ADAMTSL1: variants seen among roughly 807,000 people sequenced by gnomAD.
ADAMTSL1 encodes the protein ADAMTS like 1, also known as ADAMTS-like protein 1.
In ADAMTSL1, 126 loss-of-function variants were observed where a neutral mutation model predicts 201.8. The observed-to-expected ratio is 0.62, with a 90% confidence interval of 0.54 to 0.72. ADAMTSL1 has a LOEUF of 0.72. ADAMTSL1 is among the 30% of genes least tolerant of loss of function. ADAMTSL1 has a pLI of 0.00. For synonymous variants in ADAMTSL1, 1,121 were observed against 903.4 expected (o/e 1.24, Z -4.32); for missense variants, 2,679 against 2,277.8 (o/e 1.18, Z -3.59).
intron 14 of ADAMTSL1, among the ~76,000 whole-genome samples, chr9:18,715,449 A>T (rs976242532): frequency 6.6e-6 from 1 of 152,120 alleles, no homozygotes; most frequent in Non-Finnish European, 1.5e-5. Flanking sequence ...ACAACAGACA[A>T]ACAGAGAGCC....
intron 23 of ADAMTSL1, among the ~76,000 whole-genome samples, chr9:18,843,927 T>A (rs1458355058): frequency 2.6e-5 from 4 of 152,136 alleles, no homozygotes; most frequent in Non-Finnish European, 5.9e-5. Flanking sequence ...ATTCTAGTTA[T>A]ACATTCGTGT....
At chr9:18,177,634 A>G (rs1168079481) in intron 2 of ADAMTSL1, among the ~76,000 whole-genome samples, 3 of 152,194 alleles carry the variant, frequency 2.0e-5, no homozygotes, top group Non-Finnish European at 4.4e-5. Flanking sequence ...ATGGCACCAG[A>G]GCTCCAGTCA....
In ADAMTSL1 at chr9:18,681,697, T is replaced by TGTGTGGCG. The variant is rs370940110; in HGVS notation, c.1342-114_1342-113insTGTGGCGG. On this transcript the variant is annotated intron_variant, in intron 11 of 28. Coordinates refer to ENST00000380548, the MANE Select transcript of ADAMTSL1 (RefSeq NM_001040272.6). ...TATAAATTTACCAGGAGTCCTCGTG[T>TGTGTGGCG]GGGGGGGGGGGGCGGGGAAAAAGAA... 4.0e-3 allele frequency: 953 copies of TGTGTGGCG among 240,280 alleles called. 23 individuals are homozygous for TGTGTGGCG. Among genetic ancestry groups the TGTGTGGCG allele is most frequent in the South Asian group, 0.012 (138 of 11,968 alleles). The allele number at this position is 240,280 out of a possible 1,614,324, so 14.9% of individuals were successfully genotyped here.
At chr9:18,639,109 T>C (rs1827282438) in intron 6 of ADAMTSL1, 145 bp from the exon 7 acceptor site, 3 of 712,434 alleles carry the variant, frequency 4.2e-6, no homozygotes, top group Non-Finnish European at 7.0e-6. Context: ...GTATAGTTTG[T>C]TGATATCACA....
rs149177858 is a variant in ADAMTSL1, at chr9:18,662,969, C to T, written c.1085+896C>T. On this transcript the variant is annotated intron_variant, in intron 9 of 28. Transcript: ENST00000380548. ...AAAGACAAAGATTCATTTTCAAACTCCTTGGATTTTTGAGAAACATCTCAA... is the reference window on the plus strand; with the variant it reads ...AAAGACAAAGATTCATTTTCAAACTTCTTGGATTTTTGAGAAACATCTCAA... 8.5e-3 allele frequency among the ~76,000 whole-genome samples: 1,292 copies of T among 152,244 alleles called. 10 individuals carry two copies. Among genetic ancestry groups the T allele is most frequent in the Middle Eastern group, 0.014 (4 of 294 alleles).
At chr9:18,150,974 G>A (rs559022348) in intron 1 of ADAMTSL1, among the ~76,000 whole-genome samples, 1 of 152,058 alleles carries the variant, frequency 6.6e-6, no homozygotes, top group Non-Finnish European at 1.5e-5. Flanking sequence ...AGTAGAAATG[G>A]GATCCCCAGT....
At chr9:17,990,621 T>C (rs1819116975) in intron 1 of ADAMTSL1, among the ~76,000 whole-genome samples, 1 of 152,128 alleles carries the variant, frequency 6.6e-6, no homozygotes, top group African/African-American at 2.4e-5. Context: ...TTCCTGGTTG[T>C]CACGTTTAAT....
chr9:18,553,471 G>T (rs1316587134), intron 3 of ADAMTSL1, among the ~76,000 whole-genome samples: 1 of 151,588 alleles, frequency 6.6e-6, no homozygotes, highest in Non-Finnish European at 1.5e-5. Context: ...ACTTGATATA[G>T]TCAAAGTTTA....
At position 18,781,953 on chromosome 9, in the gene ADAMTSL1, T is replaced by C. The variant is rs111560235; in HGVS notation, c.3677+4047T>C. 8.6e-3 allele frequency among the ~76,000 whole-genome samples: 1,306 copies of C among 152,346 alleles called. 14 individuals are homozygous for C. The highest frequency in any genetic ancestry group is 0.031 in the South Asian group (149 of 4,826). ...ATTCTGATACTACTGTGTCTCATCA[T>C]TTATATAACTTACTAGTTGAAATTC... is the stretch of plus-strand genomic sequence containing the variant. On this transcript the variant is annotated intron_variant, in intron 19 of 28. Coordinates refer to ENST00000380548, the MANE Select transcript of ADAMTSL1 (RefSeq NM_001040272.6).
At chr9:18,078,481 GCTGA>G (rs1300340009) in intron 1 of ADAMTSL1, among the ~76,000 whole-genome samples, 2 of 152,162 alleles carry the variant, frequency 1.3e-5, no homozygotes, top group East Asian at 1.9e-4. Flanking sequence ...TCAGAGTTTC[GCTGA>G]CTAACTTTCA....
At chr9:18,829,692 T>C in intron 22 of ADAMTSL1, 151 bp from the exon 23 acceptor site, 2 of 1,076,306 alleles carry the variant, frequency 1.9e-6, no homozygotes, top group South Asian at 3.4e-5. Flanking sequence ...GGGACTCCTC[T>C]ATAGGAAAAA....
intron 23 of ADAMTSL1, among the ~76,000 whole-genome samples, chr9:18,848,823 A>G (rs911434411): frequency 1.3e-5 from 2 of 152,244 alleles, no homozygotes; most frequent in Admixed American, 6.5e-5. Flanking sequence ...TAAGTAAATG[A>G]ATGGGTATGT....
At chr9:18,745,172 T>C (rs566009141) in intron 15 of ADAMTSL1, among the ~76,000 whole-genome samples, 19 of 152,318 alleles carry the variant, frequency 1.2e-4, no homozygotes, top group South Asian at 1.0e-3. Flanking sequence ...ACCCACTAGA[T>C]TTAATATTGA....
intron 7 of ADAMTSL1, among the ~76,000 whole-genome samples, chr9:18,656,641 A>AAAAAAAAG (rs1828697798): frequency 1.3e-5 from 2 of 151,692 alleles, no homozygotes; most frequent in African/African-American, 4.8e-5. Flanking sequence ...AAAAAAAAAA[A>AAAAAAAAG]AAAAGAAAAT....
intron 2 of ADAMTSL1, among the ~76,000 whole-genome samples, chr9:18,233,160 C>T (rs184641307): frequency 7.2e-5 from 11 of 152,244 alleles, no homozygotes; most frequent in South Asian, 2.1e-4. Context: ...CCTTAGATTG[C>T]GGCACACACA....
intron 1 of ADAMTSL1, among the ~76,000 whole-genome samples, chr9:17,946,208 A>G (rs1045173323): frequency 6.6e-6 from 1 of 151,120 alleles, no homozygotes; most frequent in Non-Finnish European, 1.5e-5. Flanking sequence ...TGTATTGCCC[A>G]GGCTGGTCTC....
In ADAMTSL1 at chr9:18,018,384, G is replaced by C. The variant is rs559346518; in HGVS notation, c.87+111462G>C. Among the ~76,000 whole-genome samples, 148 of 152,190 alleles carry C rather than the reference G, an allele frequency of 9.7e-4. 1 individual carries two copies. Among genetic ancestry groups the C allele is most frequent in the Admixed American group, 9.6e-3 (147 of 15,250 alleles). On this transcript the variant is annotated intron_variant, in intron 1 of 29. Transcript: ENST00000680146. ...TTGCCTCTGGCATTCATGCCCTTCT[G>C]TAATCCCTTCTGAAATGTAGCCTTT...
Position 18,908,611 on chromosome 9 carries a change from C to A in ADAMTSL1, c.*63C>A, listed in dbSNP as rs1364152779. 7.7e-6 allele frequency: 10 copies of A among 1,302,480 alleles called. No individual in the cohort carries two copies. The highest frequency in any genetic ancestry group is 5.9e-5 in the African/African-American group (4 of 67,736). 80.7% of individuals were successfully genotyped at this position (1,302,480 alleles called of 1,614,324 possible). On this transcript the variant is annotated 3_prime_UTR_variant, in exon 29 of 29. Coordinates refer to ENST00000380548, the MANE Select transcript of ADAMTSL1 (RefSeq NM_001040272.6). The stretch of plus-strand genomic sequence containing the variant: ...GAAGGACTCACGCAACCACCTCGGA[C>A]AGAACCTAAGCTTTCTTCATTTTAT...
At chr9:18,219,943 A>C (rs1357060529) in intron 2 of ADAMTSL1, among the ~76,000 whole-genome samples, 12 of 152,148 alleles carry the variant, frequency 7.9e-5, no homozygotes, top group South Asian at 2.1e-4. Flanking sequence ...TAAACGTATC[A>C]GAAAATAAGG....
Sources: allele counts gnomAD v4.1 joint callset (sites outside exome capture counted in the v4.1 genomes callset), GRCh38; gene constraint gnomAD v4.1.1; transcripts MANE v1.5; gene names NCBI Gene and HGNC (gene_info 2026-07-23, HGNC 2026-07-21).